CD99: variants seen among roughly 807,000 people sequenced by gnomAD.
The protein encoded by CD99 is CD99 molecule (Xg blood group), also known as CD99 antigen.
Under a neutral mutation model 28.4 loss-of-function variants are expected in CD99, and 19 were observed. The observed-to-expected ratio is 0.67, with a 90% CI of 0.47 to 0.98. CD99 has a LOEUF of 0.98. CD99 is among the 50% of genes least tolerant of loss of function. The pLI, the probability that CD99 is intolerant of heterozygous loss-of-function variation, is 0.00. For synonymous variants in CD99, 103 were observed against 92.1 expected, an observed-to-expected ratio of 1.12 and a Z score of -0.67; for missense variants, 283 against 248.8, an observed-to-expected ratio of 1.14 and a Z score of -0.92.
intron 9 of CD99, 42 bp from the exon 10 acceptor site, chrX:2,740,737 A>G: frequency 6.2e-7 from 1 of 1,609,528 alleles, no homozygotes; most frequent in Non-Finnish European, 8.5e-7. Flanking sequence ...GTGAGTGCTC[A>G]GGGACCTGGG....
intron 1 of CD99, among the ~76,000 whole-genome samples, chrX:2,707,436 T>A (rs1299502693): frequency 6.6e-6 from 1 of 152,176 alleles, no homozygotes; most frequent in Non-Finnish European, 1.5e-5. Context: ...GTGCAAGCCT[T>A]AGTCACGTTG....
At chrX:2,717,783 T>A in intron 3 of CD99, 131 bp downstream of exon 3, 1 of 745,044 alleles carries the variant, frequency 1.3e-6, no homozygotes, top group Non-Finnish European at 2.4e-6. Context: ...TGGTTAATAG[T>A]TAATACTGGA....
At chrX:2,737,219 C>T (rs1458363267) in intron 8 of CD99, among the ~76,000 whole-genome samples, 2 of 152,002 alleles carry the variant, frequency 1.3e-5, no homozygotes, top group African/African-American at 2.4e-5. Context: ...GCTCTGTCAC[C>T]CACGCTGGAG....
intron 8 of CD99, among the ~76,000 whole-genome samples, chrX:2,731,445 C>G (rs1248928826): frequency 3.3e-5 from 5 of 152,112 alleles, no homozygotes; most frequent in African/African-American, 1.2e-4. Flanking sequence ...CAAAAATTAG[C>G]CAGGCATGGT....
At chrX:2,724,665 G>A (rs1335883399) in intron 7 of CD99, among the ~76,000 whole-genome samples, 2 of 152,058 alleles carry the variant, frequency 1.3e-5, no homozygotes, top group African/African-American at 4.8e-5. Context: ...AGCACTTCGG[G>A]AGGCCAAGGT....
chrX:2,703,602 TTAAGTGTG>T (rs1436861818), intron 1 of CD99, among the ~76,000 whole-genome samples: 282 of 129,198 alleles, frequency 2.2e-3, no homozygotes, highest in African/African-American at 9.7e-3. Flanking sequence ...AACCGAGCTG[TTAAGTGTG>T]TGTGTGTGTG....
At chrX:2,706,004 G>A (rs2124506994) in intron 1 of CD99, among the ~76,000 whole-genome samples, 1 of 150,466 alleles carries the variant, frequency 6.6e-6, no homozygotes, top group Non-Finnish European at 1.5e-5. Context: ...AACCTGGAAT[G>A]AAAGTTTTTA....
chrX:2,722,032 C>T (rs983153723), intron 5 of CD99, among the ~76,000 whole-genome samples: 1 of 152,008 alleles, frequency 6.6e-6, no homozygotes, highest in Non-Finnish European at 1.5e-5. Context: ...CCTGTCTTCA[C>T]ACCATCTCCA....
chrX:2,724,731 C>T (rs1341939184), intron 7 of CD99, among the ~76,000 whole-genome samples: 1 of 151,866 alleles, frequency 6.6e-6, no homozygotes, highest in Non-Finnish European at 1.5e-5. Context: ...ATGGTGAAAC[C>T]CCATCTCTAC....
chrX:2,691,509 G>A (rs1284099459), intron 1 of CD99, 82 bp downstream of exon 1: 5 of 1,446,442 alleles, frequency 3.5e-6, no homozygotes, highest in Middle Eastern at 2.1e-4. Flanking sequence ...GCGGCGTTGG[G>A]GGCGCCCCGC....
intron 1 of CD99, among the ~76,000 whole-genome samples, chrX:2,712,971 CACAT>C (rs1436303048): frequency 6.6e-6 from 1 of 151,388 alleles, no homozygotes; most frequent in Non-Finnish European, 1.5e-5. Context: ...CACACACCTA[CACAT>C]ACACACACAA....
chrX:2,732,734 CCTTT>C (rs956940567), intron 8 of CD99, among the ~76,000 whole-genome samples: 8 of 150,020 alleles, frequency 5.3e-5, no homozygotes, highest in Non-Finnish European at 1.0e-4. Flanking sequence ...TTCCTTCCTT[CCTTT>C]CTTTCCATCC....
chrX:2,695,076 G>A (rs977516863), intron 1 of CD99, among the ~76,000 whole-genome samples: 13 of 152,176 alleles, frequency 8.5e-5, no homozygotes, highest in Non-Finnish European at 1.8e-4. Context: ...TGGACCTTGT[G>A]CTGGTTTTCA....
intron 8 of CD99, among the ~76,000 whole-genome samples, chrX:2,733,870 T>G (rs2049802646): frequency 6.6e-6 from 1 of 152,252 alleles, no homozygotes; most frequent in Non-Finnish European, 1.5e-5. Flanking sequence ...CATTTCTCAC[T>G]GCACTTCCTA....
At chrX:2,704,139 G>T (rs936675519) in intron 1 of CD99, among the ~76,000 whole-genome samples, 1 of 152,152 alleles carries the variant, frequency 6.6e-6, no homozygotes, top group Non-Finnish European at 1.5e-5. Flanking sequence ...GAGAACTGCC[G>T]GTGTGAGGCG....
intron 1 of CD99, among the ~76,000 whole-genome samples, chrX:2,710,628 C>T (rs28415727): frequency 0.02 from 3,008 of 149,958 alleles, 40 homozygotes; most frequent in Non-Finnish European, 0.029. Flanking sequence ...CTAAAGAATA[C>T]ATTATGGACT....
intron 2 of CD99, chrX:2,717,378 G>A (rs1274866108): frequency 1.8e-6 from 1 of 540,710 alleles, no homozygotes; most frequent in Admixed American, 3.2e-5. Context: ...TGGAGAAGGG[G>A]CTCCTGGTCT....
chrX:2,692,049 A>G (rs2047332980), intron 1 of CD99: 1 of 633,304 alleles, frequency 1.6e-6, no homozygotes, highest in African/African-American at 1.8e-5. Flanking sequence ...TGTGCTTACC[A>G]AATTGTCCAT....
At chrX:2,696,390 A>G (rs1356789549) in intron 1 of CD99, among the ~76,000 whole-genome samples, 1 of 151,730 alleles carries the variant, frequency 6.6e-6, no homozygotes, top group Non-Finnish European at 1.5e-5. Flanking sequence ...ATTTGCTGAT[A>G]TTCTTTCTTT....
Sources: allele counts gnomAD v4.1 joint callset (sites outside exome capture counted in the v4.1 genomes callset), GRCh38; gene constraint gnomAD v4.1.1; transcripts MANE v1.5; gene names NCBI Gene and HGNC (gene_info 2026-07-23, HGNC 2026-07-21).